The following RBM25 variants were observed in gnomAD, a reference collection of about 807,000 sequenced individuals.
The protein encoded by RBM25 is RNA binding motif protein 25, also known as RNA-binding protein 25.
RBM25 carries 19 observed loss-of-function variants against 120.7 expected under a neutral mutation model. The observed-to-expected ratio is 0.16, with a 90% confidence interval of 0.11 to 0.23. The LOEUF is 0.23. RBM25 is among the 10% of genes least tolerant of loss of function. The pLI, the probability that RBM25 is intolerant of heterozygous loss-of-function variation, is 1.00. For synonymous variants in RBM25, 390 were observed against 326.7 expected (o/e 1.19, Z -2.09); for missense variants, 605 against 1,041.5 (o/e 0.58, Z 5.77).
chr14:73,094,877 G>A (rs986242085), intron 6 of RBM25, among the ~76,000 whole-genome samples: 2 of 151,248 alleles, frequency 1.3e-5, no homozygotes, highest in African/African-American at 4.9e-5. Context: ...TGGGGGTGGA[G>A]ACAGAGTCTC....
At chr14:73,070,537 A>G (rs1895260976) in intron 1 of RBM25, among the ~76,000 whole-genome samples, 1 of 151,990 alleles carries the variant, frequency 6.6e-6, no homozygotes, top group Non-Finnish European at 1.5e-5. Flanking sequence ...TCAGGAGTTT[A>G]TTTCCCCCTG....
intron 2 of RBM25, among the ~76,000 whole-genome samples, chr14:73,073,300 C>T (rs969608015): frequency 6.6e-6 from 1 of 152,042 alleles, no homozygotes; most frequent in African/African-American, 2.4e-5. Context: ...GCTTTGGGAA[C>T]CTTCTACCCT....
intron 6 of RBM25, among the ~76,000 whole-genome samples, chr14:73,091,606 TCA>T (rs1280484452): frequency 6.6e-6 from 1 of 152,036 alleles, no homozygotes; most frequent in Non-Finnish European, 1.5e-5. Context: ...ATGTGGTGGC[TCA>T]CACCTGTAAT....
At chr14:73,111,833 T>C in intron 16 of RBM25, 31 bp downstream of exon 16, 1 of 1,539,486 alleles carries the variant, frequency 6.5e-7, no homozygotes, top group Non-Finnish European at 8.7e-7. Context: ...CATCATATTA[T>C]TGGGAACAGT....
rs546598075 is a variant in RBM25, at chr14:73,087,058, G to A, written c.383-943G>A. On this transcript the variant is annotated intron_variant, in intron 5 of 18. Coordinates refer to ENST00000261973, the MANE Select transcript of RBM25 (RefSeq NM_021239.3). ...GTTTGTCTTTATGGTATATCACACT[G>A]AAATGTCAAATTTACTATTTTAATA... 5.9e-3 allele frequency among the ~76,000 whole-genome samples: 904 copies of A among 152,292 alleles called. 12 individuals are homozygous for A. Among genetic ancestry groups the A allele is most frequent in the African/African-American group, 0.021 (856 of 41,574 alleles).
intron 4 of RBM25, among the ~76,000 whole-genome samples, chr14:73,082,551 A>G (rs1354505909): frequency 6.6e-6 from 1 of 152,064 alleles, no homozygotes; most frequent in Non-Finnish European, 1.5e-5. Flanking sequence ...TCAGCCTCCC[A>G]AAGTGTTGGG....
chr14:73,106,597 G>A (rs1424816783), intron 12 of RBM25, among the ~76,000 whole-genome samples: 2 of 151,998 alleles, frequency 1.3e-5, no homozygotes, highest in Admixed American at 6.6e-5. Flanking sequence ...TTGTTGAACT[G>A]TTGTTATTAG....
intron 5 of RBM25, among the ~76,000 whole-genome samples, chr14:73,084,377 T>C (rs1396011899): frequency 6.6e-6 from 1 of 152,196 alleles, no homozygotes; most frequent in Non-Finnish European, 1.5e-5. Flanking sequence ...CTAATTTTCC[T>C]TGCAGTTTAT....
chr14:73,090,757 G>T (rs1320701141), intron 6 of RBM25, among the ~76,000 whole-genome samples: 1 of 152,064 alleles, frequency 6.6e-6, no homozygotes, highest in African/African-American at 2.4e-5. Context: ...AAGTTTGTGG[G>T]CTGTGTCTCT....
In RBM25 at chr14:73,110,717, C is replaced by G. The variant is rs1476367367; in HGVS notation, c.1693-114C>G. ...GTGCTGGGATTACAGGCATGAGCCA[C>G]CATACCTGGCCTTTTCTCTTTTCAT... On this transcript the variant is annotated intron_variant, in intron 14 of 18. Coordinates refer to ENST00000261973, the MANE Select transcript of RBM25 (RefSeq NM_021239.3). 36 of 1,291,850 alleles carry G rather than the reference C, an allele frequency of 2.8e-5. No individual in the cohort carries two copies. The East Asian group carries it at 8.0e-4, about 29-fold the overall frequency. 80.0% of individuals were successfully genotyped at this position (1,291,850 alleles called of 1,614,324 possible). A position where few individuals can be genotyped will look rare whatever the true frequency, so the allele number is the denominator to read the frequency against.
In RBM25 at chr14:73,109,363, G is replaced by C; in HGVS notation, c.1563G>C (p.Arg521Ser). 1 of 1,613,924 alleles carries C rather than the reference G, an allele frequency of 6.2e-7. No individual in the cohort carries two copies. The highest frequency in any genetic ancestry group is 8.5e-7 in the Non-Finnish European group (1 of 1,179,906). ...KYYRGSALQK[R>S]LRDREKEMEA... ...ACAGAGGAAGTGCTCTTCAGAAAAG[G>C]TTGCGTGATAGAGAAAAGGAAATGG... Residue 521 changes from arginine (R) to serine (S), a missense_variant, in exon 14 of 19, where the codon AGG (arginine) becomes AGC (serine). Coordinates refer to ENST00000261973, the MANE Select transcript of RBM25 (RefSeq NM_021239.3).
At chr14:73,099,000 C>T (rs922850490) in intron 7 of RBM25, among the ~76,000 whole-genome samples, 2 of 152,128 alleles carry the variant, frequency 1.3e-5, no homozygotes, top group African/African-American at 4.8e-5. Context: ...ATTCATTCTT[C>T]CTCTTTCTTC....
chr14:73,079,461 T>G (rs976789905), intron 4 of RBM25, among the ~76,000 whole-genome samples: 5 of 150,584 alleles, frequency 3.3e-5, no homozygotes, highest in Admixed American at 3.3e-4. Context: ...GACTATATTC[T>G]GCACTGAGAG....
rs1199824499 is a variant in RBM25 at position 73,114,312 on chromosome 14, C to T, written c.2418C>T (p.Ser806=). 6.4e-7 allele frequency: 1 copy of T among 1,569,310 alleles called. No homozygotes were observed. Among genetic ancestry groups the T allele is most frequent in the East Asian group, 2.3e-5 (1 of 43,390 alleles). The change falls in exon 18 of 19, where the codon AGC becomes AGT. Residue 806 remains serine (S), a synonymous_variant. Transcript: ENST00000261973. ...TTATGGCTCATAGTTCACCCCAGAG[C>T]ATTTTAGATGATGTTGCCATGGTAA... ...SKVMAHSSPQ[S]ILDDVAMVLD...
intron 7 of RBM25, 72 bp downstream of exon 7, chr14:73,097,172 CA>C: frequency 6.6e-6 from 3 of 454,806 alleles, no homozygotes; most frequent in South Asian, 5.9e-5. Context: ...ACTTTGATTA[CA>C]TGTCAGTTTT....
chr14:73,102,465 A>G (rs1263057958), intron 9 of RBM25: 2 of 152,248 alleles, frequency 1.3e-5, no homozygotes, highest in African/African-American at 4.8e-5. Context: ...TGGATTTATC[A>G]TTGTAAATAT....
At position 73,079,824 on chromosome 14, in the gene RBM25, T is replaced by C. The variant is rs1895517078; in HGVS notation, c.324+2288T>C. ...TTTTCTTCTATTACTTCCATGGGAT[T>C]TTTGGTAATTTCAGTCTGAAGCCTG... is the stretch of plus-strand genomic sequence containing the variant. On this transcript the variant is annotated intron_variant, in intron 4 of 18. Transcript: ENST00000261973. 2.0e-5 allele frequency among the ~76,000 whole-genome samples: 3 copies of C among 150,660 alleles called. 1 individual carries two copies. Among genetic ancestry groups the C allele is most frequent in the Non-Finnish European group, 4.5e-5 (3 of 67,148 alleles).
chr14:73,089,686 A>T (rs922022140), intron 6 of RBM25, among the ~76,000 whole-genome samples: 2 of 84,104 alleles, frequency 2.4e-5, no homozygotes, highest in African/African-American at 1.4e-4. Flanking sequence ...TGTTTGTTTG[A>T]AATGGAGTTT....
chr14:73,076,273 T>TA, intron 2 of RBM25, 46 bp from the exon 3 acceptor site: 1 of 1,475,044 alleles, frequency 6.8e-7, no homozygotes, highest in Non-Finnish European at 9.5e-7. Flanking sequence ...ATGTTGTTGA[T>TA]AGAGAATGCA....
Sources: gnomAD v4.1 joint callset for allele counts (sites outside exome capture counted in the v4.1 genomes callset) on GRCh38, gnomAD v4.1.1 for gene constraint, MANE v1.5 for transcripts, NCBI Gene and HGNC (gene_info 2026-07-23, HGNC 2026-07-21) for gene names.